PHKA2: variants seen among roughly 807,000 people sequenced by gnomAD.
PHKA2 encodes the protein phosphorylase kinase regulatory subunit alpha 2.
Under a neutral mutation model 102.0 loss-of-function variants are expected in PHKA2, and 31 were observed. The observed-to-expected ratio is 0.30, with a 90% CI of 0.23 to 0.41. The LOEUF (loss-of-function observed/expected upper bound fraction) is 0.41. Among genes scored for constraint, PHKA2 ranks in the 10% least tolerant of loss-of-function variants. The probability of loss-of-function intolerance (pLI) is 1.00; values close to 1 mark genes in which losing one functional copy is unlikely to be tolerated. For missense variants in PHKA2, 858 were observed against 1,023.1 expected, an observed-to-expected ratio of 0.84 and a Z score of 2.20; for synonymous variants, 455 against 416.2, an observed-to-expected ratio of 1.09 and a Z score of -1.13.
intron 29 of PHKA2, among the ~76,000 whole-genome samples, chrX:18,898,813 G>A (rs1016293787): frequency 1.8e-5 from 2 of 112,227 alleles, no homozygotes; most frequent in Non-Finnish European, 1.9e-5. Context: ...CAGGTGCAGA[G>A]TGCTAGTTGG....
chrX:18,948,804 G>C lies in PHKA2; in HGVS notation c.477C>G (p.Leu159=). The change falls in exon 5 of 33, where the codon CTC becomes CTG. Residue 159 remains leucine (L), a synonymous_variant. Transcript: ENST00000379942. ...GATTCTGTATGAAGGCCACCTCATC[G>C]AGAGTGAAAATGATACGTAAGCCTA... ...TASGLRIIFT[L]DEVAFIQNLV... The C allele has an allele frequency of 1.7e-6, 2 of 1,191,697 alleles. No individual in the cohort carries two copies. The highest frequency in any genetic ancestry group is 1.1e-6 in the Non-Finnish European group (1 of 878,282).
At chrX:18,921,069 T>C (rs10126571) in intron 17 of PHKA2, among the ~76,000 whole-genome samples, 39,533 of 110,201 alleles carry the variant, frequency 0.36, 9,205 homozygotes, top group African/African-American at 0.85. Flanking sequence ...GAAAAGCCTT[T>C]CTTTAATTGA....
intron 1 of PHKA2, among the ~76,000 whole-genome samples, chrX:18,977,920 G>A (rs767163671): frequency 8.9e-6 from 1 of 112,239 alleles, no homozygotes; most frequent in Non-Finnish European, 1.9e-5. Context: ...CCAACACTTT[G>A]GGAGGCCGAG....
intron 26 of PHKA2, among the ~76,000 whole-genome samples, chrX:18,902,134 A>C (rs763760678): frequency 1.0e-4 from 11 of 106,969 alleles, no homozygotes; most frequent in Middle Eastern, 5.0e-3. Flanking sequence ...AGCCACTGCA[A>C]CCAGCCATGT....
Position 18,931,523 on chromosome X carries a change from G to A in PHKA2, c.1245+118C>T, listed in dbSNP as rs775738302. Reference sequence around the variant, plus strand: ...CAACACGGTCCAGTTGACCTTAAACGAATGAAGATGCAAAAGACATCCACA... The same window carrying A: ...CAACACGGTCCAGTTGACCTTAAACAAATGAAGATGCAAAAGACATCCACA... On this transcript the variant is annotated intron_variant, in intron 12 of 32. Transcript: ENST00000379942. 42 of 584,471 alleles carry A rather than the reference G, an allele frequency of 7.2e-5. No homozygotes were observed. In the African/African-American group the frequency reaches 7.3e-4, roughly 10 times the overall value. The allele number at this position is 584,471 out of a possible 1,213,427, so 48.2% of individuals were successfully genotyped here.
chrX:18,906,149 G>T (rs955799149), intron 25 of PHKA2, among the ~76,000 whole-genome samples: 1 of 112,260 alleles, frequency 8.9e-6, no homozygotes, highest in Non-Finnish European at 1.9e-5. Flanking sequence ...AATTGGTAGG[G>T]TTTCTCCCAG....
intron 1 of PHKA2, among the ~76,000 whole-genome samples, chrX:18,960,316 C>T (rs1408632808): frequency 1.8e-5 from 2 of 112,193 alleles, no homozygotes; most frequent in East Asian, 2.8e-4. Flanking sequence ...AAAGCACTGA[C>T]TGTTATGATG....
In PHKA2 at chrX:18,908,011, G is replaced by A. The variant is rs751934712; in HGVS notation, c.2406C>T (p.Thr802=). ...DTNLSGQHGV[T]VQNLLGELYG... ...AGAGCTCACCAAGAAGGTTTTGAAC[G>A]GTGACCCCGTGCTGTCCAGAGAGAT... The change falls in exon 22 of 33, where the codon ACC becomes ACT. Residue 802 remains threonine, a synonymous_variant. Transcript: ENST00000379942. 5.8e-6 allele frequency: 7 copies of A among 1,209,256 alleles called. No homozygotes were observed. In the East Asian group the frequency reaches 8.9e-5, roughly 15 times the overall value.
rs764158778 is a variant in PHKA2, at chrX:18,906,541, G to A, written c.2760C>T (p.Ile920=). 12 of 1,211,125 alleles carry A rather than the reference G, an allele frequency of 9.9e-6. No individual in the cohort carries two copies. The Middle Eastern group carries it at 1.6e-3, about 162-fold the overall frequency. ...VEMLRLRIGL[I]IQVMATELAR... is the part of the protein sequence containing the mutation. Reference sequence around the variant, plus strand: ...CCAGCTCCGTGGCCATCACCTGAATGATCAGTCCAATCCGGAGTCTCAGCA... The same window carrying A: ...CCAGCTCCGTGGCCATCACCTGAATAATCAGTCCAATCCGGAGTCTCAGCA... Residue 920 remains isoleucine (I), a synonymous_variant, in exon 25 of 33, where the codon ATC becomes ATT. Coordinates refer to ENST00000379942, the MANE Select transcript of PHKA2 (RefSeq NM_000292.3).
chrX:18,958,617 A>AATTT (rs1180109338), intron 1 of PHKA2, among the ~76,000 whole-genome samples: 1 of 109,096 alleles, frequency 9.2e-6, no homozygotes, highest in African/African-American at 3.3e-5. Flanking sequence ...ACTACCAGTG[A>AATTT]ATTTAACCAT....
chrX:18,906,426 G>A, intron 25 of PHKA2, 69 bp downstream of exon 25: 3 of 1,175,859 alleles, frequency 2.6e-6, no homozygotes, highest in Non-Finnish European at 3.5e-6. Flanking sequence ...CTTCCCCTGA[G>A]AGTGGAGGCC....
Position 18,924,393 on chromosome X carries a change from G to A in PHKA2, c.1702C>T (p.Arg568Cys), listed in dbSNP as rs757043355. Residue 568 changes from arginine (R) to cysteine (C), a missense_variant, in exon 16 of 33, where the codon CGC (arginine) becomes TGC (cysteine). Transcript: ENST00000379942. ...TCCCTGGAGTTACTGAGCATGGTGC[G>A]ACTGATGGGGAAGGTGAGTGTGGGT... Reference protein sequence around the residue: ...GRPTLTFPISRTMLTNDGSDI... With the variant: ...GRPTLTFPISCTMLTNDGSDI... 6.5e-5 allele frequency: 79 copies of A among 1,208,896 alleles called. No individual in the cohort carries two copies. In the South Asian group the frequency reaches 9.2e-4, roughly 14 times the overall value.
chrX:18,952,664 G>A (rs942313881), intron 2 of PHKA2, 123 bp from the exon 3 acceptor site: 15 of 577,622 alleles, frequency 2.6e-5, no homozygotes, highest in Non-Finnish European at 4.2e-5. Flanking sequence ...GGCCAGTCCC[G>A]AGCCTACGTG....
intron 32 of PHKA2, among the ~76,000 whole-genome samples, 191 bp from the exon 33 acceptor site, chrX:18,893,846 C>CT (rs1250287678): frequency 8.9e-6 from 1 of 112,504 alleles, no homozygotes; most frequent in Non-Finnish European, 1.9e-5. Flanking sequence ...AATGCCCTAC[C>CT]TCTCTGGGCA....
intron 9 of PHKA2, 106 bp from the exon 10 acceptor site, chrX:18,938,855 A>G (rs2048440121): frequency 1.3e-6 from 1 of 748,661 alleles, no homozygotes; most frequent in Admixed American, 2.3e-5. Context: ...TACAGCTTTG[A>G]AGTTGGCATG....
In PHKA2 at chrX:18,925,516, T is replaced by G. The variant is rs1223750374; in HGVS notation, c.1569+152A>C. On this transcript the variant is annotated intron_variant, in intron 15 of 32. Coordinates refer to ENST00000379942, the MANE Select transcript of PHKA2 (RefSeq NM_000292.3). Reference sequence around the variant, plus strand: ...CAAAAAGCATTTACCGAGCACCTACTACGGGCAGACTTGTACTAGGCTCTT... The same window carrying G: ...CAAAAAGCATTTACCGAGCACCTACGACGGGCAGACTTGTACTAGGCTCTT... 4 of 493,336 alleles carry G rather than the reference T, an allele frequency of 8.1e-6. No homozygotes were observed. In the Admixed American group the frequency reaches 1.3e-4, roughly 15 times the overall value. 40.7% of individuals were successfully genotyped at this position (493,336 alleles called of 1,213,427 possible). A position where few individuals can be genotyped will look rare whatever the true frequency, so the allele number is the denominator to read the frequency against.
chrX:18,893,884 T>C (rs2047478915), intron 32 of PHKA2, among the ~76,000 whole-genome samples: 2 of 112,342 alleles, frequency 1.8e-5, no homozygotes, highest in South Asian at 7.4e-4. Context: ...GCACCCTAGT[T>C]TGTAGCTCCT....
At chrX:18,895,834 C>G (rs931725092) in intron 30 of PHKA2, 1 of 116,640 alleles carries the variant, frequency 8.6e-6, no homozygotes, top group Non-Finnish European at 1.8e-5. Context: ...CCCAGCACCC[C>G]GGCCTGGAGC....
chrX:18,958,776 C>T (rs2048822494), intron 1 of PHKA2, among the ~76,000 whole-genome samples: 1 of 110,308 alleles, frequency 9.1e-6, no homozygotes, highest in African/African-American at 3.3e-5. Flanking sequence ...GTGGTGCAAT[C>T]TCGGCTCACT....
Sources: gnomAD v4.1 joint callset for allele counts (sites outside exome capture counted in the v4.1 genomes callset) on GRCh38, gnomAD v4.1.1 for gene constraint, MANE v1.5 for transcripts, NCBI Gene and HGNC (gene_info 2026-07-23, HGNC 2026-07-21) for gene names.